MARCHF1: variants seen among roughly 807,000 people sequenced by gnomAD.
MARCHF1 encodes the protein membrane associated ring-CH-type finger 1.
In MARCHF1, 40 loss-of-function variants were observed where a neutral mutation model predicts 54.2. The ratio of observed to expected loss-of-function variants is 0.74; its 90% CI spans 0.57 to 0.96. MARCHF1 has a LOEUF of 0.96. Among genes scored for constraint, MARCHF1 ranks in the 40% least tolerant of loss-of-function variants. The probability of loss-of-function intolerance (pLI) is 0.00; values close to 1 mark genes in which losing one functional copy is unlikely to be tolerated. For synonymous variants in MARCHF1, 236 were observed against 236.3 expected (o/e 1.00, Z 0.01); for missense variants, 586 against 656.5 (o/e 0.89, Z 1.17).
chr4:163,865,180 A>C (rs1413385890), intron 3 of MARCHF1, among the ~76,000 whole-genome samples: 1 of 151,938 alleles, frequency 6.6e-6, no homozygotes, highest in Non-Finnish European at 1.5e-5. Flanking sequence ...CAAAGGCATG[A>C]AACTATGAGT....
chr4:163,994,257 A>AGTGTGTGTGTGTGTGTGTGT (rs769035806), intron 2 of MARCHF1, among the ~76,000 whole-genome samples: 48 of 137,130 alleles, frequency 3.5e-4, no homozygotes, highest in Non-Finnish European at 6.9e-4. Flanking sequence ...ATAGAGAAAA[A>AGTGTGTGTGTGTGTGTGTGT]GTGTGTGTGT....
intron 5 of MARCHF1, among the ~76,000 whole-genome samples, chr4:163,699,987 T>C (rs1440255203): frequency 6.6e-6 from 1 of 151,528 alleles, no homozygotes; most frequent in Non-Finnish European, 1.5e-5. Context: ...ATCCACTGAC[T>C]CTACAACCTC....
intron 2 of MARCHF1, among the ~76,000 whole-genome samples, chr4:164,103,291 C>T (rs1330613416): frequency 1.5e-5 from 1 of 65,234 alleles, no homozygotes; most frequent in Non-Finnish European, 3.8e-5. Context: ...GAACTCTCCA[C>T]CCCAAATCAA....
chr4:164,371,519 A>G (rs1363473492), intron 1 of MARCHF1, among the ~76,000 whole-genome samples: 1 of 152,216 alleles, frequency 6.6e-6, no homozygotes, highest in Non-Finnish European at 1.5e-5. Flanking sequence ...TAGTACTTAG[A>G]GTATACAAAA....
chr4:164,134,833 C>A (rs1756369188), intron 1 of MARCHF1, among the ~76,000 whole-genome samples: 1 of 139,148 alleles, frequency 7.2e-6, no homozygotes, highest in Non-Finnish European at 1.6e-5. Context: ...TGGAGTCTGT[C>A]AGAGAATCAG....
At chr4:163,981,681 G>A (rs1242154616) in intron 3 of MARCHF1, among the ~76,000 whole-genome samples, 1 of 152,100 alleles carries the variant, frequency 6.6e-6, no homozygotes, top group African/African-American at 2.4e-5. Flanking sequence ...AATCCATGCT[G>A]GCATTGTCAG....
intron 4 of MARCHF1, among the ~76,000 whole-genome samples, chr4:163,798,033 G>C (rs868405618): frequency 6.6e-6 from 1 of 152,102 alleles, no homozygotes; most frequent in Non-Finnish European, 1.5e-5. Flanking sequence ...TTGCACTTAG[G>C]GGGTGCTATG....
At chr4:163,963,164 A>C (rs1752373212) in intron 3 of MARCHF1, among the ~76,000 whole-genome samples, 1 of 151,966 alleles carries the variant, frequency 6.6e-6, no homozygotes, top group African/African-American at 2.4e-5. Flanking sequence ...ACTTACATAC[A>C]CAAATGCACT....
Position 164,276,947 on chromosome 4 carries a change from T to G in MARCHF1, c.-323+106923A>C, listed in dbSNP as rs529042476. ...ATGTCTCATATTCTATATATATATATAGAGAGAGAGAGAGAGAGAGACAGA... is the reference window on the plus strand; with the variant it reads ...ATGTCTCATATTCTATATATATATAGAGAGAGAGAGAGAGAGAGAGACAGA... On this transcript the variant is annotated intron_variant, in intron 1 of 9. Transcript: ENST00000514618. 6.1e-3 allele frequency among the ~76,000 whole-genome samples: 727 copies of G among 118,796 alleles called. 9 individuals are homozygous for G. Among genetic ancestry groups the G allele is most frequent in the South Asian group, 0.017 (49 of 2,886 alleles). 77.9% of individuals were successfully genotyped at this position (118,796 alleles called of 152,430 possible).
At chr4:163,808,159 C>T (rs1565841) in intron 4 of MARCHF1, among the ~76,000 whole-genome samples, 134,285 of 152,228 alleles carry the variant, frequency 0.88, 60,243 homozygotes, top group South Asian at 0.98. Context: ...GGCAATGTAA[C>T]TGCAACAAAA....
At chr4:163,944,144 T>C (rs1050352763) in intron 3 of MARCHF1, among the ~76,000 whole-genome samples, 3 of 149,532 alleles carry the variant, frequency 2.0e-5, no homozygotes, top group African/African-American at 7.4e-5. Context: ...TTTTTTTTTT[T>C]TTTTTTTTTT....
intron 1 of MARCHF1, among the ~76,000 whole-genome samples, chr4:164,249,501 G>A (rs1041038992): frequency 1.3e-5 from 2 of 151,984 alleles, no homozygotes; most frequent in Non-Finnish European, 2.9e-5. Flanking sequence ...GAAAAAGAGA[G>A]ATGCCTAGAT....
At chr4:164,155,250 C>T (rs1432556387) in intron 1 of MARCHF1, among the ~76,000 whole-genome samples, 1 of 151,974 alleles carries the variant, frequency 6.6e-6, no homozygotes, top group African/African-American at 2.4e-5. Context: ...GAACCACTCT[C>T]TTCTACCTAG....
chr4:163,829,802 A>G (rs1748966576), intron 4 of MARCHF1, among the ~76,000 whole-genome samples: 1 of 152,250 alleles, frequency 6.6e-6, no homozygotes, highest in Non-Finnish European at 1.5e-5. Flanking sequence ...GTGAACAGCT[A>G]TGTGAAAATT....
intron 1 of MARCHF1, among the ~76,000 whole-genome samples, chr4:164,324,092 T>C (rs370880418): frequency 2.0e-5 from 3 of 151,818 alleles, no homozygotes; most frequent in African/African-American, 7.2e-5. Flanking sequence ...ACATAGAACC[T>C]AGTTCTGTGT....
chr4:164,160,924 A>G (rs1400141829), intron 1 of MARCHF1, among the ~76,000 whole-genome samples: 1 of 152,232 alleles, frequency 6.6e-6, no homozygotes, highest in East Asian at 1.9e-4. Context: ...TGCTCTTTAC[A>G]AAAGACATAC....
At chr4:163,685,985 T>C (rs1256750443) in intron 5 of MARCHF1, among the ~76,000 whole-genome samples, 1 of 152,186 alleles carries the variant, frequency 6.6e-6, no homozygotes, top group Non-Finnish European at 1.5e-5. Flanking sequence ...GCAAATTATT[T>C]AGTATAAGTC....
In MARCHF1 at chr4:164,146,277, C is replaced by T. The variant is rs1228839642; in HGVS notation, c.-322-34615G>A. Among the ~76,000 whole-genome samples the T allele has an allele frequency of 4.0e-5, 6 of 148,522 alleles. 1 individual carries two copies. In the East Asian group the frequency reaches 1.2e-3, roughly 29 times the overall value. ...GTAATTTACAGATTCCATGCCATCC[C>T]CATCAAGCTACCAATGACTTTCTTC... On this transcript the variant is annotated intron_variant, in intron 1 of 9. Transcript: ENST00000514618.
intron 8 of MARCHF1, among the ~76,000 whole-genome samples, chr4:163,563,722 C>T (rs1739549468): frequency 6.6e-6 from 1 of 152,168 alleles, no homozygotes; most frequent in South Asian, 2.1e-4. Context: ...TGTTTCTCAG[C>T]AGGATTAAAT....
Sources: gnomAD v4.1 joint callset for allele counts (sites outside exome capture counted in the v4.1 genomes callset) on GRCh38, gnomAD v4.1.1 for gene constraint, MANE v1.5 for transcripts, NCBI Gene and HGNC (gene_info 2026-07-23, HGNC 2026-07-21) for gene names.